Variants in SNAPC3 observed in about 807,000 individuals in gnomAD.
The protein encoded by SNAPC3 is snRNA-activating protein complex subunit 3.
A neutral mutation model predicts 47.7 loss-of-function variants in SNAPC3; 56 were observed. That is an observed-to-expected ratio of 1.18 (90% CI 0.95 to 1.47). SNAPC3 has a LOEUF of 1.47. SNAPC3 is among the 40% of genes most tolerant of loss of function. SNAPC3 has a pLI of 0.00. For missense variants in SNAPC3, 665 were observed against 511.3 expected (o/e 1.30, Z -2.90); for synonymous variants, 235 against 189.9 (o/e 1.24, Z -1.95).
chr9:15,453,017 T>C (rs752890362), intron 6 of SNAPC3, 24 bp from the exon 7 acceptor site: 36 of 1,571,530 alleles, frequency 2.3e-5, no homozygotes, highest in African/African-American at 4.1e-5. Flanking sequence ...AAAAATGATA[T>C]ATCCTTGCCT....
In SNAPC3 at chr9:15,423,054, G is replaced by A. The variant is rs1229238490; in HGVS notation, c.175G>A (p.Gly59Arg). 1.2e-5 allele frequency: 18 copies of A among 1,515,520 alleles called. No homozygotes were observed. The highest frequency in any genetic ancestry group is 1.6e-5 in the Non-Finnish European group (18 of 1,139,750). The allele number at this position is 1,515,520 out of a possible 1,614,324, so 93.9% of individuals were successfully genotyped here. Residue 59 changes from glycine to arginine, a missense_variant, in exon 1 of 9, where the codon GGG (glycine) becomes AGG (arginine). Transcript: ENST00000380821. ...GTGGCGGGGCCGTCTGCGCGGGGCC[G>A]GGGACTTGTCGCTGAGGGAGCCGCC... ...ELWRGRLRGA[G>R]DLSLREPPAS... is the part of the protein sequence containing the mutation.
chr9:15,423,057 G>C lies in SNAPC3; in HGVS notation c.178G>C (p.Asp60His), dbSNP rs1009999046. 1 of 1,520,378 alleles carries C rather than the reference G, an allele frequency of 6.6e-7. No individual in the cohort carries two copies. The highest frequency in any genetic ancestry group is 1.4e-5 in the African/African-American group (1 of 69,032). 94.2% of individuals were successfully genotyped at this position (1,520,378 alleles called of 1,614,324 possible). Residue 60 changes from aspartate to histidine, a missense_variant, in exon 1 of 9, where the codon GAC becomes CAC. By Grantham distance (81) the Asp-to-His change is moderately conservative. Transcript: ENST00000380821. ...LWRGRLRGAG[D>H]LSLREPPASA... is the part of the protein sequence containing the mutation. ...GCGGGGCCGTCTGCGCGGGGCCGGG[G>C]ACTTGTCGCTGAGGGAGCCGCCGGC...
rs779289043 is a variant in SNAPC3, at chr9:15,459,684, T to C, written c.1089-35T>C. 3.8e-6 allele frequency: 6 copies of C among 1,591,890 alleles called. No individual in the cohort carries two copies. The African/African-American group carries it at 5.4e-5, about 14-fold the overall frequency. Reference sequence around the variant, plus strand: ...AGCATGTTAAGTATGGCAAATTTGATTGTAATGATGTACTTCTTTTTTTAA... The same window carrying C: ...AGCATGTTAAGTATGGCAAATTTGACTGTAATGATGTACTTCTTTTTTTAA... On this transcript the variant is annotated intron_variant, in intron 8 of 8. Coordinates refer to ENST00000380821, the MANE Select transcript of SNAPC3 (RefSeq NM_001039697.2).
chr9:15,463,112 C>G (rs1027795543), downstream of SNAPC3: 1 of 151,778 alleles, frequency 6.6e-6, no homozygotes, highest in Non-Finnish European at 1.5e-5. Context: ...TGTTCACATA[C>G]CAAATCCCAG....
intron 3 of SNAPC3, among the ~76,000 whole-genome samples, chr9:15,440,289 T>C (rs897813875): frequency 6.6e-6 from 1 of 152,234 alleles, no homozygotes; most frequent in African/African-American, 2.4e-5. Flanking sequence ...TTTCTTCTTA[T>C]GGCTTCAATT....
intron 5 of SNAPC3, among the ~76,000 whole-genome samples, chr9:15,450,909 A>C (rs779040595): frequency 2.6e-5 from 4 of 152,230 alleles, no homozygotes; most frequent in Non-Finnish European, 5.9e-5. Flanking sequence ...TGTCTGCCTA[A>C]GAGTTACTGA....
At chr9:15,427,315 C>G (rs1425113171) in intron 2 of SNAPC3, among the ~76,000 whole-genome samples, 1 of 152,122 alleles carries the variant, frequency 6.6e-6, no homozygotes, top group Non-Finnish European at 1.5e-5. Context: ...CTTGTCATTC[C>G]AAAAGCTTCA....
intron 7 of SNAPC3, 91 bp downstream of exon 7, chr9:15,453,296 A>T: frequency 9.7e-7 from 1 of 1,033,914 alleles, no homozygotes; most frequent in Non-Finnish European, 1.4e-6. Context: ...AAATAAGAGG[A>T]GTAAAAGTAA....
chr9:15,462,296 AT>A (rs1489601630), downstream of SNAPC3: 1 of 152,170 alleles, frequency 6.6e-6, no homozygotes, highest in African/African-American at 2.4e-5. Flanking sequence ...TCAGGTACCT[AT>A]TATTGTTCCC....
chr9:15,444,209 AT>A (rs1448424912), intron 3 of SNAPC3, among the ~76,000 whole-genome samples: 16 of 152,240 alleles, frequency 1.1e-4, no homozygotes, highest in Non-Finnish European at 2.4e-4. Flanking sequence ...CCTTGAGTAA[AT>A]CACTGAACCT....
At chr9:15,458,783 CAG>C (rs2034986255) in intron 8 of SNAPC3, among the ~76,000 whole-genome samples, 1 of 151,938 alleles carries the variant, frequency 6.6e-6, no homozygotes, top group Admixed American at 6.6e-5. Flanking sequence ...GAAAGCCACT[CAG>C]AGGAAAGGAA....
chr9:15,424,234 C>A (rs939977822), intron 2 of SNAPC3, among the ~76,000 whole-genome samples: 2 of 152,120 alleles, frequency 1.3e-5, no homozygotes, highest in Non-Finnish European at 2.9e-5. Flanking sequence ...AAGCATATAG[C>A]TTCTAAAAGT....
downstream of SNAPC3, chr9:15,465,684 G>A: frequency 2.2e-6 from 2 of 903,074 alleles, no homozygotes; most frequent in Admixed American, 2.8e-5. Context: ...TGAAAAGACT[G>A]AAACCAACCA....
In SNAPC3 at chr9:15,451,218, A is replaced by G. The variant is rs2034360433; in HGVS notation, c.733-102A>G. ...AAATAGTAGCAGTTTTTTAACACAT[A>G]TTAGTGTGATTTTATGATATATCTA... is the stretch of plus-strand genomic sequence containing the variant. On this transcript the variant is annotated intron_variant, in intron 5 of 8. Coordinates refer to ENST00000380821, the MANE Select transcript of SNAPC3 (RefSeq NM_001039697.2). 5 of 457,622 alleles carry G rather than the reference A, an allele frequency of 1.1e-5. No homozygotes were observed. The South Asian group carries it at 1.8e-4, about 16-fold the overall frequency. 28.3% of individuals were successfully genotyped at this position (457,622 alleles called of 1,614,324 possible). A position where few individuals can be genotyped will look rare whatever the true frequency, so the allele number is the denominator to read the frequency against.
intron 3 of SNAPC3, among the ~76,000 whole-genome samples, chr9:15,439,466 C>A (rs183306828): frequency 6.6e-6 from 1 of 152,210 alleles, no homozygotes; most frequent in East Asian, 1.9e-4. Flanking sequence ...AGTAATACTC[C>A]CACATCAGCT....
At chr9:15,424,545 A>C (rs1353707339) in intron 2 of SNAPC3, among the ~76,000 whole-genome samples, 1 of 140,996 alleles carries the variant, frequency 7.1e-6, no homozygotes, top group Admixed American at 6.8e-5. Flanking sequence ...AAAGACAAAC[A>C]CAATATAAGT....
intron 2 of SNAPC3, among the ~76,000 whole-genome samples, chr9:15,425,856 T>C (rs1563837455): frequency 6.6e-6 from 1 of 152,162 alleles, no homozygotes; most frequent in African/African-American, 2.4e-5. Context: ...TGGACCTTGC[T>C]GTTTTCATTT....
chr9:15,423,307 A>G (rs1047650748), intron 1 of SNAPC3, 114 bp downstream of exon 1: 1 of 1,104,228 alleles, frequency 9.1e-7, no homozygotes. Flanking sequence ...GACCTGGGCT[A>G]GGAGTATTAC....
At position 15,460,024 on chromosome 9, in the gene SNAPC3, T is replaced by C. The variant is rs2035086528; in HGVS notation, c.*158T>C. ...CAAATGACAGATTTTCTTATAATGA[T>C]AGTATTTAAATGTTTATAACATAGT... On this transcript the variant is annotated 3_prime_UTR_variant, in exon 9 of 9. Coordinates refer to ENST00000380821, the MANE Select transcript of SNAPC3 (RefSeq NM_001039697.2). The C allele has an allele frequency of 3.9e-6, 2 of 512,094 alleles. No homozygotes were observed. Among genetic ancestry groups the C allele is most frequent in the Non-Finnish European group, 6.8e-6 (2 of 295,368 alleles). The allele number at this position is 512,094 out of a possible 1,614,324, so 31.7% of individuals were successfully genotyped here. A position where few individuals can be genotyped will look rare whatever the true frequency, so the allele number is the denominator to read the frequency against.
Sources: gnomAD v4.1 joint callset for allele counts (sites outside exome capture counted in the v4.1 genomes callset) on GRCh38, gnomAD v4.1.1 for gene constraint, MANE v1.5 for transcripts, NCBI Gene and HGNC (gene_info 2026-07-23, HGNC 2026-07-21) for gene names.